The following PAPSS1 variants were observed in gnomAD, a reference collection of about 807,000 sequenced individuals.
PAPSS1 encodes bifunctional 3'-phosphoadenosine 5'-phosphosulfate synthase 1.
A neutral mutation model predicts 72.0 loss-of-function variants in PAPSS1; 50 were observed. The ratio of observed to expected loss-of-function variants is 0.69; its 90% confidence interval spans 0.55 to 0.88. The LOEUF (loss-of-function observed/expected upper bound fraction) is 0.88, where lower values mean the gene tolerates loss of function less well. Ranked by LOEUF, PAPSS1 falls within the 40% of genes least tolerant of loss-of-function variation. The pLI is 0.00. For synonymous variants in PAPSS1, 261 were observed against 263.6 expected (o/e 0.99, Z 0.09); for missense variants, 657 against 782.2 (o/e 0.84, Z 1.91).
intron 1 of PAPSS1, 200 bp downstream of exon 1, chr4:107,719,920 C>A (rs1723735495): frequency 7.3e-7 from 1 of 1,370,364 alleles, no homozygotes; most frequent in African/African-American, 1.5e-5. Context: ...CAAGCTAGGG[C>A]GAGATCCCCA....
chr4:107,682,156 G>C lies in PAPSS1; in HGVS notation c.551-23C>G, dbSNP rs748517184. On this transcript the variant is annotated intron_variant, in intron 4 of 11. Coordinates refer to ENST00000265174, the MANE Select transcript of PAPSS1 (RefSeq NM_005443.5). ...AACCTGCAAAAGGTAACAGATAATAGAGTAGGGTGGAAAATAAAATTAAAA... is the reference window on the plus strand; with the variant it reads ...AACCTGCAAAAGGTAACAGATAATACAGTAGGGTGGAAAATAAAATTAAAA... 10 of 1,122,342 alleles carry C rather than the reference G, an allele frequency of 8.9e-6. No individual in the cohort carries two copies. The East Asian group carries it at 1.6e-4, about 18-fold the overall frequency. 69.5% of individuals were successfully genotyped at this position (1,122,342 alleles called of 1,614,324 possible).
At chr4:107,651,816 T>C (rs776582150) in intron 9 of PAPSS1, among the ~76,000 whole-genome samples, 20 of 152,164 alleles carry the variant, frequency 1.3e-4, no homozygotes, top group Non-Finnish European at 2.8e-4. Context: ...TCTTACTACA[T>C]AGCAGTACAG....
intron 3 of PAPSS1, among the ~76,000 whole-genome samples, chr4:107,692,678 A>T (rs116929402): frequency 6.6e-6 from 1 of 152,234 alleles, no homozygotes; most frequent in East Asian, 1.9e-4. Flanking sequence ...ACAAAGATAC[A>T]TGCATGAGTA....
chr4:107,621,517 ATTT>A (rs1725952850), intron 11 of PAPSS1, among the ~76,000 whole-genome samples: 1 of 147,830 alleles, frequency 6.8e-6, no homozygotes, highest in African/African-American at 2.5e-5. Context: ...CACTTACTCC[ATTT>A]ACCCCTTATT....
rs368454625 is a variant in PAPSS1 at position 107,635,182 on chromosome 4, G to A, written c.1507-3322C>T. Reference sequence around the variant, plus strand: ...ATTCTATTAGCCTTGACTAAAACATGAATACACTTTTTTAGATAGACTTCA... The same window carrying A: ...ATTCTATTAGCCTTGACTAAAACATAAATACACTTTTTTAGATAGACTTCA... On this transcript the variant is annotated intron_variant, in intron 10 of 11. Transcript: ENST00000265174. 1.1e-3 allele frequency among the ~76,000 whole-genome samples: 169 copies of A among 152,058 alleles called. No homozygotes were observed. In the Middle Eastern group the frequency reaches 0.024, roughly 21 times the overall value.
At chr4:107,626,774 A>T (rs1726111923) in intron 11 of PAPSS1, among the ~76,000 whole-genome samples, 2 of 152,150 alleles carry the variant, frequency 1.3e-5, no homozygotes, top group Admixed American at 1.3e-4. Flanking sequence ...CTGTTTTCTC[A>T]CTACATCAAA....
In PAPSS1 at chr4:107,719,364, T is replaced by C. The variant is rs144577852; in HGVS notation, c.60+756A>G. 2.0e-4 allele frequency among the ~76,000 whole-genome samples: 30 copies of C among 152,318 alleles called. No individual in the cohort carries two copies. In the East Asian group the frequency reaches 2.9e-3, roughly 15 times the overall value. ...ACACTTACAAAGGAAGATAAGGCTC[T>C]TTCTCATCACAGAGAAATTAAGGAA... is the stretch of plus-strand genomic sequence containing the variant. On this transcript the variant is annotated intron_variant, in intron 1 of 11. Transcript: ENST00000265174.
At chr4:107,621,591 G>A (rs1725954608) in intron 11 of PAPSS1, among the ~76,000 whole-genome samples, 1 of 119,854 alleles carries the variant, frequency 8.3e-6, no homozygotes, top group African/African-American at 3.0e-5. Context: ...AACTTTCTAG[G>A]AAGACAGGTT....
intron 10 of PAPSS1, among the ~76,000 whole-genome samples, chr4:107,638,512 C>A (rs953588745): frequency 2.0e-5 from 3 of 152,058 alleles, no homozygotes; most frequent in African/African-American, 7.2e-5. Context: ...CCTGGCTGAC[C>A]CCAGACCCCT....
intron 10 of PAPSS1, among the ~76,000 whole-genome samples, chr4:107,632,560 C>T (rs1238965774): frequency 6.6e-6 from 1 of 150,908 alleles, no homozygotes; most frequent in African/African-American, 2.4e-5. Flanking sequence ...GCATCCAAAA[C>T]TAGCCTTGAA....
intron 10 of PAPSS1, among the ~76,000 whole-genome samples, chr4:107,644,503 A>T (rs1435323455): frequency 6.6e-6 from 1 of 152,184 alleles, no homozygotes; most frequent in African/African-American, 2.4e-5. Flanking sequence ...AGCAGTTACA[A>T]GAGGAGCTTG....
intron 3 of PAPSS1, among the ~76,000 whole-genome samples, chr4:107,687,941 T>G (rs1441562231): frequency 6.6e-6 from 1 of 151,032 alleles, no homozygotes; most frequent in East Asian, 1.9e-4. Flanking sequence ...CCTCACCTAC[T>G]TCCACTCTCA....
Position 107,653,583 on chromosome 4 carries a change from T to A in PAPSS1, c.1145A>T (p.Gln382Leu), listed in dbSNP as rs1726915357. The change falls in exon 9 of 12, where the codon CAA (glutamine) becomes CTA (leucine). Residue 382 changes from glutamine to leucine, a missense_variant. Physicochemically the swap from Gln to Leu is moderately radical, Grantham distance 113. Around this residue, in one of 7 missense-constraint regions of PAPSS1, gnomAD observed 166 missense variants for 228.3 expected, o/e 0.73. Transcript: ENST00000265174. ...QGDWLIGGDL[Q>L]VLDRVYWNDG... ...ATTCCAATAAACTCGATCCAAGACT[T>A]GAAGATCTCCTCCAATCAGCCAATC... The A allele has an allele frequency of 6.2e-7, 1 of 1,613,584 alleles. No homozygotes were observed. The highest frequency in any genetic ancestry group is 1.7e-5 in the Admixed American group (1 of 60,002).
chr4:107,673,168 A>G (rs1198539100), intron 5 of PAPSS1, among the ~76,000 whole-genome samples: 1 of 152,242 alleles, frequency 6.6e-6, no homozygotes, highest in Non-Finnish European at 1.5e-5. Context: ...CCTCCTCCAA[A>G]GGAACGCAGC....
intron 11 of PAPSS1, among the ~76,000 whole-genome samples, chr4:107,626,718 T>C (rs924825166): frequency 6.6e-6 from 1 of 152,194 alleles, no homozygotes. Flanking sequence ...CTGAGTAACA[T>C]CCATTAATCA....
At chr4:107,643,897 A>G (rs556739433) in intron 10 of PAPSS1, among the ~76,000 whole-genome samples, 64 of 152,296 alleles carry the variant, frequency 4.2e-4, no homozygotes, top group African/African-American at 1.5e-3. Context: ...TGAAGTTAAA[A>G]GAAAATAAGA....
intron 1 of PAPSS1, among the ~76,000 whole-genome samples, chr4:107,715,005 A>G (rs1723598675): frequency 6.6e-6 from 1 of 152,206 alleles, no homozygotes. Context: ...AAATACCTGA[A>G]TACATAAACA....
rs115374676 is a variant in PAPSS1 at position 107,698,156 on chromosome 4, A to G, written c.175+3015T>C. On this transcript the variant is annotated intron_variant, in intron 2 of 11. Transcript: ENST00000265174. ...ACCAATGTAGAAACACAAAACAACA[A>G]AATTTCCCTAAAATAAAATCTGATA... Among the ~76,000 whole-genome samples the G allele has an allele frequency of 7.1e-3, 1,083 of 152,316 alleles. 14 individuals carry two copies. The highest frequency in any genetic ancestry group is 0.025 in the African/African-American group (1,041 of 41,560).
chr4:107,652,936 T>A (rs1288586864), intron 9 of PAPSS1, among the ~76,000 whole-genome samples: 1 of 152,046 alleles, frequency 6.6e-6, no homozygotes, highest in Non-Finnish European at 1.5e-5. Flanking sequence ...ATTGGTACAA[T>A]GGTATGATAC....
Sources: gnomAD v4.1 joint callset for allele counts (sites outside exome capture counted in the v4.1 genomes callset) on GRCh38, gnomAD v4.1.1 for gene constraint, gnomAD v4.1.1 regional missense constraint, MANE v1.5 for transcripts, NCBI Gene and HGNC (gene_info 2026-07-23, HGNC 2026-07-21) for gene names.